Variants in MIGA1 observed in about 807,000 individuals in gnomAD.
MIGA1 encodes the protein mitoguardin 1, also known as family with sequence similarity 73, member A.
MIGA1 carries 58 observed loss-of-function variants against 82.0 expected under a neutral mutation model. The ratio of observed to expected loss-of-function variants is 0.71; its 90% CI spans 0.57 to 0.88. MIGA1 has a LOEUF of 0.88. Ranked by LOEUF, MIGA1 falls within the 40% of genes least tolerant of loss-of-function variation. MIGA1 has a pLI of 0.00. For synonymous variants in MIGA1, 249 were observed against 253.6 expected (o/e 0.98, Z 0.17); for missense variants, 751 against 749.1 (o/e 1.00, Z -0.03).
chr1:77,800,079 T>G (rs574859212), intron 2 of MIGA1, among the ~76,000 whole-genome samples: 7 of 152,276 alleles, frequency 4.6e-5, no homozygotes, highest in African/African-American at 1.7e-4. Context: ...GCTTTTGTTC[T>G]TTAATGGGGA....
At chr1:77,855,511 A>G (rs995207150) in intron 8 of MIGA1, among the ~76,000 whole-genome samples, 1 of 151,738 alleles carries the variant, frequency 6.6e-6, no homozygotes, top group African/African-American at 2.4e-5. Flanking sequence ...TATAGATTCT[A>G]CCCATCCATG....
intron 8 of MIGA1, among the ~76,000 whole-genome samples, chr1:77,855,881 T>A (rs1388317929): frequency 6.6e-6 from 1 of 152,172 alleles, no homozygotes; most frequent in Non-Finnish European, 1.5e-5. Flanking sequence ...GGATGCCCTT[T>A]ATTTCTTTCT....
At chr1:77,861,694 G>T (rs1012626016) in intron 12 of MIGA1, 4 of 185,426 alleles carry the variant, frequency 2.2e-5, no homozygotes, top group African/African-American at 9.5e-5. Flanking sequence ...TGGGGAATTG[G>T]CTGTATACAC....
chr1:77,822,674 A>G (rs1186934435), intron 7 of MIGA1, among the ~76,000 whole-genome samples: 1 of 152,106 alleles, frequency 6.6e-6, no homozygotes, highest in African/African-American at 2.4e-5. Flanking sequence ...GATTTTATTT[A>G]CTTTAGAAGA....
chr1:77,803,082 A>T (rs1016586595), intron 3 of MIGA1, among the ~76,000 whole-genome samples, 188 bp from the exon 4 acceptor site: 6 of 152,110 alleles, frequency 3.9e-5, no homozygotes, highest in Non-Finnish European at 2.9e-5. Flanking sequence ...TTGAAAAAAG[A>T]TTATATAAGA....
At chr1:77,872,135 C>T (rs1264963260) in intron 14 of MIGA1, among the ~76,000 whole-genome samples, 1 of 151,652 alleles carries the variant, frequency 6.6e-6, no homozygotes, top group Non-Finnish European at 1.5e-5. Flanking sequence ...GCCTGGCTAA[C>T]TTTTGTATTT....
intron 8 of MIGA1, among the ~76,000 whole-genome samples, chr1:77,844,321 A>G (rs764237933): frequency 2.6e-5 from 4 of 151,696 alleles, no homozygotes; most frequent in African/African-American, 4.8e-5. Flanking sequence ...TTTTAATGAC[A>G]TGGGAACATG....
At chr1:77,871,127 A>AGG (rs1685977285) in intron 14 of MIGA1, among the ~76,000 whole-genome samples, 1 of 89,992 alleles carries the variant, frequency 1.1e-5, no homozygotes, top group African/African-American at 4.6e-5. Flanking sequence ...GAGGGAGAGG[A>AGG]GGGAGAGGGA....
chr1:77,804,507 G>A (rs1366546978), intron 4 of MIGA1, among the ~76,000 whole-genome samples: 1 of 151,992 alleles, frequency 6.6e-6, no homozygotes, highest in Non-Finnish European at 1.5e-5. Context: ...CAGTCCAGGA[G>A]TTTGAAGACA....
intron 8 of MIGA1, among the ~76,000 whole-genome samples, chr1:77,848,957 C>T (rs1367981978): frequency 1.3e-5 from 2 of 151,942 alleles, no homozygotes; most frequent in Non-Finnish European, 2.9e-5. Flanking sequence ...GTCAGTCTTA[C>T]ATCTTGGATG....
chr1:77,851,959 C>T (rs913992355), intron 8 of MIGA1, among the ~76,000 whole-genome samples: 3 of 150,770 alleles, frequency 2.0e-5, no homozygotes, highest in Non-Finnish European at 3.0e-5. Context: ...TCACTGCAAC[C>T]TTGCAACCTC....
chr1:77,795,449 C>G lies in MIGA1; in HGVS notation c.196-5882C>G, dbSNP rs942898498. 1.3e-5 allele frequency among the ~76,000 whole-genome samples: 2 copies of G among 152,020 alleles called. 1 individual carries two copies. Among genetic ancestry groups the G allele is most frequent in the East Asian group, 3.9e-4 (2 of 5,184 alleles). ...TGCTCGGCTCAAGCAATCCCCCTAC[C>G]TCAGCCTCCAAGTAGCTGGGACTGT... is the stretch of plus-strand genomic sequence containing the variant. On this transcript the variant is annotated intron_variant, in intron 2 of 15. Transcript: ENST00000370791.
chr1:77,811,769 T>C, intron 5 of MIGA1: 1 of 1,595,586 alleles, frequency 6.3e-7, no homozygotes, highest in Non-Finnish European at 8.5e-7. Context: ...AGACTCCGGG[T>C]CACCTCCGAC....
intron 8 of MIGA1, among the ~76,000 whole-genome samples, chr1:77,844,113 A>AAAAAAAAAAT (rs1296124524): frequency 1.1e-5 from 1 of 90,142 alleles, no homozygotes; most frequent in African/African-American, 4.6e-5. Context: ...AAAAAAAAAA[A>AAAAAAAAAAT]ATATATATAT....
At chr1:77,851,376 C>T (rs1211306650) in intron 8 of MIGA1, among the ~76,000 whole-genome samples, 1 of 152,082 alleles carries the variant, frequency 6.6e-6, no homozygotes, top group African/African-American at 2.4e-5. Flanking sequence ...AAAAGACCCC[C>T]TTTTAATAGT....
At chr1:77,816,100 T>A (rs767549341) in intron 7 of MIGA1, among the ~76,000 whole-genome samples, 1 of 152,072 alleles carries the variant, frequency 6.6e-6, no homozygotes, top group Non-Finnish European at 1.5e-5. Flanking sequence ...TGTGCCACCA[T>A]ACCCAGCTAA....
Position 77,874,972 on chromosome 1 carries a change from C to T in MIGA1, c.1807C>T (p.Leu603Phe). The change falls in exon 16 of 16, where the codon CTT (leucine) becomes TTT (phenylalanine). Residue 603 changes from leucine (L) to phenylalanine (F), a missense_variant. By Grantham distance (22) the Leu-to-Phe change is conservative. Around this residue, in one of 3 missense-constraint regions of MIGA1, gnomAD observed 265 missense variants for 293.6 expected, o/e 0.90. Coordinates refer to ENST00000370791, the MANE Select transcript of MIGA1 (RefSeq NM_198549.4). ...CCGCACTGAGCTTTTAATGGCCTATCTTGAAGCAGATGCCCTGAGGCATAC... is the reference window on the plus strand; with the variant it reads ...CCGCACTGAGCTTTTAATGGCCTATTTTGAAGCAGATGCCCTGAGGCATAC... The T allele has an allele frequency of 1.2e-6, 2 of 1,614,150 alleles. No individual in the cohort carries two copies. The highest frequency in any genetic ancestry group is 1.1e-5 in the South Asian group (1 of 91,072).
intron 14 of MIGA1, among the ~76,000 whole-genome samples, chr1:77,867,142 T>C (rs1685700430): frequency 6.6e-6 from 1 of 152,138 alleles, no homozygotes; most frequent in Non-Finnish European, 1.5e-5. Context: ...CTGTAACCTG[T>C]CTTACCTGCT....
intron 4 of MIGA1, among the ~76,000 whole-genome samples, chr1:77,805,031 G>C (rs1683038025): frequency 8.1e-6 from 1 of 123,218 alleles, no homozygotes; most frequent in Non-Finnish European, 1.6e-5. Context: ...GTCTCACTCT[G>C]TCGCCCAGGC....
Sources: allele counts gnomAD v4.1 joint callset (sites outside exome capture counted in the v4.1 genomes callset), GRCh38; gene constraint gnomAD v4.1.1; regional missense constraint gnomAD v4.1.1; transcripts MANE v1.5; gene names NCBI Gene and HGNC (gene_info 2026-07-23, HGNC 2026-07-21).